The following ITIH2 variants were observed in gnomAD, a reference collection of about 807,000 sequenced individuals.
ITIH2 encodes the protein inter-alpha-trypsin inhibitor heavy chain 2.
ITIH2 carries 103 observed loss-of-function variants against 104.4 expected under a neutral mutation model. That is an observed-to-expected ratio of 0.99 (90% CI 0.84 to 1.16). The LOEUF is 1.16. Ranked by LOEUF, ITIH2 falls within the 50% of genes most tolerant of loss-of-function variation. The pLI is 0.00. For synonymous variants in ITIH2, 436 were observed against 435.4 expected (o/e 1.00, Z -0.02); for missense variants, 1,108 against 1,162.4 (o/e 0.95, Z 0.68).
intron 14 of ITIH2, among the ~76,000 whole-genome samples, chr10:7,734,378 G>A (rs1296775248): frequency 1.3e-5 from 2 of 152,158 alleles, no homozygotes; most frequent in Admixed American, 1.3e-4. Context: ...ACCTAAAACT[G>A]CTCTAAAGTA....
At chr10:7,708,727 C>G (rs955213366) in intron 3 of ITIH2, among the ~76,000 whole-genome samples, 5 of 152,066 alleles carry the variant, frequency 3.3e-5, no homozygotes, top group Admixed American at 3.3e-4. Flanking sequence ...CTTCCCACAC[C>G]GTTTTCTACT....
chr10:7,704,749 A>G (rs761191362), intron 1 of ITIH2, among the ~76,000 whole-genome samples: 1 of 152,230 alleles, frequency 6.6e-6, no homozygotes, highest in Non-Finnish European at 1.5e-5. Context: ...ATATAAAATA[A>G]TGAATACCAA....
In ITIH2 at chr10:7,731,791, T is replaced by A. The variant is rs867943560; in HGVS notation, c.1462-20T>A. ...AAGCAGTAGGAACATAATTTCTCTCTCTCTCTCTGTGAATTGTAGAAATTC... is the reference window on the plus strand; with the variant it reads ...AAGCAGTAGGAACATAATTTCTCTCACTCTCTCTGTGAATTGTAGAAATTC... On this transcript the variant is annotated intron_variant, in intron 12 of 20. Coordinates refer to ENST00000358415, the MANE Select transcript of ITIH2 (RefSeq NM_002216.3). 5 of 1,544,110 alleles carry A rather than the reference T, an allele frequency of 3.2e-6. No individual in the cohort carries two copies. The highest frequency in any genetic ancestry group is 2.8e-5 in the African/African-American group (2 of 72,604).
At chr10:7,707,114 T>A (rs1244542790) in intron 2 of ITIH2, 87 bp from the exon 3 acceptor site, 1 of 858,996 alleles carries the variant, frequency 1.2e-6, no homozygotes, top group Non-Finnish European at 1.9e-6. Context: ...AAAATAAAAT[T>A]TCTTTTTTGA....
intron 9 of ITIH2, among the ~76,000 whole-genome samples, chr10:7,726,207 G>A (rs1476832088): frequency 2.6e-5 from 4 of 152,172 alleles, no homozygotes; most frequent in Non-Finnish European, 5.9e-5. Context: ...TTTTATTGCA[G>A]AAGAAAGCTG....
intron 1 of ITIH2, among the ~76,000 whole-genome samples, chr10:7,704,235 A>C (rs1834724192): frequency 6.6e-6 from 1 of 152,230 alleles, no homozygotes; most frequent in African/African-American, 2.4e-5. Context: ...AAAGGCTTAT[A>C]ATACTTGCAG....
intron 13 of ITIH2, 142 bp downstream of exon 13, chr10:7,732,138 C>T: frequency 2.3e-6 from 2 of 867,644 alleles, no homozygotes; most frequent in Admixed American, 2.5e-5. Context: ...ATATCTCTGC[C>T]ATCTTCCCAG....
chr10:7,745,729 G>A (rs1040309356), intron 19 of ITIH2, among the ~76,000 whole-genome samples: 8 of 151,704 alleles, frequency 5.3e-5, no homozygotes, highest in African/African-American at 1.4e-4. Flanking sequence ...CTGGGTGACA[G>A]AGGGAGACTC....
At chr10:7,709,574 C>A (rs1052927389) in intron 4 of ITIH2, among the ~76,000 whole-genome samples, 3 of 151,596 alleles carry the variant, frequency 2.0e-5, no homozygotes, top group East Asian at 1.9e-4. Context: ...AAAAAAAAAA[C>A]AAGTTGAGAA....
At chr10:7,721,800 T>A in intron 8 of ITIH2, 23 bp downstream of exon 8, 1 of 1,612,418 alleles carries the variant, frequency 6.2e-7, no homozygotes, top group East Asian at 2.2e-5. Flanking sequence ...CGGCTCTGGT[T>A]CTACTGCCAA....
In ITIH2 at chr10:7,739,460, C is replaced by T. The variant is rs528930778; in HGVS notation, c.2095+702C>T. ...GGCTCCTGTTGGTCCTAGAATTGTG[C>T]GGCTTTCTTGACTGCCTGGAATACA... is the stretch of plus-strand genomic sequence containing the variant. On this transcript the variant is annotated intron_variant, in intron 16 of 20. Coordinates refer to ENST00000358415, the MANE Select transcript of ITIH2 (RefSeq NM_002216.3). 8.9e-4 allele frequency among the ~76,000 whole-genome samples: 136 copies of T among 152,278 alleles called. 2 individuals are homozygous for T. The highest frequency in any genetic ancestry group is 3.2e-3 in the African/African-American group (131 of 41,560).
At chr10:7,706,469 T>C (rs545857193) in intron 2 of ITIH2, among the ~76,000 whole-genome samples, 6 of 152,310 alleles carry the variant, frequency 3.9e-5, no homozygotes, top group Non-Finnish European at 5.9e-5. Context: ...AGCATGGTGG[T>C]TAAAAGCATA....
intron 12 of ITIH2, among the ~76,000 whole-genome samples, chr10:7,730,580 G>A (rs937072339): frequency 6.6e-6 from 1 of 152,168 alleles, no homozygotes; most frequent in African/African-American, 2.4e-5. Context: ...CAGCTCTTTG[G>A]AGGCCAAGGT....
chr10:7,723,277 C>A (rs913980301), intron 8 of ITIH2, among the ~76,000 whole-genome samples, 174 bp from the exon 9 acceptor site: 1 of 151,920 alleles, frequency 6.6e-6, no homozygotes, highest in Non-Finnish European at 1.5e-5. Flanking sequence ...AAGGTCTTGA[C>A]CCTCAGAGGA....
At chr10:7,717,141 A>T (rs1292486229) in intron 5 of ITIH2, among the ~76,000 whole-genome samples, 2 of 151,958 alleles carry the variant, frequency 1.3e-5, no homozygotes, top group African/African-American at 2.4e-5. Flanking sequence ...TTTAGTAGAG[A>T]CGGGGTTTCA....
rs367589160 is a variant in ITIH2 at position 7,721,650 on chromosome 10, C to T, written c.740C>T (p.Ala247Val). Residue 247 changes from alanine (A) to valine (V), a missense_variant and splice_region_variant, in exon 8 of 21, where the codon GCG (alanine) becomes GTG (valine). By Grantham distance (64) the Ala-to-Val change is moderately conservative. Coordinates refer to ENST00000358415, the MANE Select transcript of ITIH2 (RefSeq NM_002216.3). ...VPVISKGQQK[A>V]HVSFKPTVAQ... ...CTCTGATGTCACCGTTCTTTCTAGG[C>T]GCACGTCTCCTTCAAGCCCACGGTA... 74 of 1,612,912 alleles carry T rather than the reference C, an allele frequency of 4.6e-5. 1 individual carries two copies. The South Asian group carries it at 5.7e-4, about 12-fold the overall frequency.
chr10:7,708,318 G>A (rs562166710), intron 3 of ITIH2, among the ~76,000 whole-genome samples: 1 of 152,292 alleles, frequency 6.6e-6, no homozygotes, highest in South Asian at 2.1e-4. Flanking sequence ...TTGCCTTTGA[G>A]CACACTTACA....
intron 6 of ITIH2, among the ~76,000 whole-genome samples, chr10:7,720,318 TAAAC>T (rs1396576239): frequency 6.6e-6 from 1 of 152,126 alleles, no homozygotes; most frequent in Non-Finnish European, 1.5e-5. Flanking sequence ...CACAAAAATA[TAAAC>T]AAACAAATCA....
chr10:7,719,755 T>A, intron 6 of ITIH2, among the ~76,000 whole-genome samples: 2 of 56,164 alleles, frequency 3.6e-5, no homozygotes, highest in Admixed American at 3.0e-4. Flanking sequence ...AATGAGACCC[T>A]GTCTCAAAAA....
Sources: allele counts gnomAD v4.1 joint callset (sites outside exome capture counted in the v4.1 genomes callset), GRCh38; gene constraint gnomAD v4.1.1; transcripts MANE v1.5; gene names NCBI Gene and HGNC (gene_info 2026-07-23, HGNC 2026-07-21).